The following MRNIP variants were observed in gnomAD, a reference collection of about 807,000 sequenced individuals.
MRNIP encodes the protein MRN complex interacting protein, also known as MRN complex-interacting protein.
Under a neutral mutation model 29.8 loss-of-function variants are expected in MRNIP, and 30 were observed. The observed-to-expected ratio is 1.01, with a 90% confidence interval of 0.75 to 1.36. MRNIP has a LOEUF of 1.36. MRNIP is among the 40% of genes most tolerant of loss of function. MRNIP has a pLI of 0.00. For missense variants in MRNIP, 459 were observed against 423.5 expected (o/e 1.08, Z -0.74); for synonymous variants, 201 against 164.1 (o/e 1.23, Z -1.72).
chr5:179,837,928 G>A, intron 6 of MRNIP, 43 bp from the exon 7 acceptor site: 2 of 1,571,720 alleles, frequency 1.3e-6, no homozygotes, highest in Non-Finnish European at 1.7e-6. Flanking sequence ...TAAGAACAAT[G>A]CCAGGGCCCA....
In MRNIP at chr5:179,837,311, A is replaced by C. The variant is rs541743046; in HGVS notation, c.*80T>G. The C allele has an allele frequency of 6.3e-7, 1 of 1,598,406 alleles. No homozygotes were observed. Among genetic ancestry groups the C allele is most frequent in the South Asian group, 1.1e-5 (1 of 89,080 alleles). The stretch of plus-strand genomic sequence containing the variant: ...TAAGTTTATTGTTAATGGTTCTTAC[A>C]GAGTATCTTTAAAAGTGCCTTAGGG... On this transcript the variant is annotated 3_prime_UTR_variant, in exon 7 of 7. Transcript: ENST00000292586.
At chr5:179,858,344 G>A (rs1184064147) in intron 1 of MRNIP, among the ~76,000 whole-genome samples, 1 of 152,192 alleles carries the variant, frequency 6.6e-6, no homozygotes, top group Non-Finnish European at 1.5e-5. Context: ...GACGGAGAGG[G>A]CGCCCAGGTG....
chr5:179,844,100 C>T, intron 4 of MRNIP, 52 bp downstream of exon 4: 3 of 1,438,098 alleles, frequency 2.1e-6, no homozygotes, highest in Non-Finnish European at 2.9e-6. Context: ...TCTGTGCATT[C>T]ATCCCTTCCC....
rs756605512 is a variant in MRNIP, at chr5:179,837,566, G to A, written c.857C>T (p.Pro286Leu). The A allele has an allele frequency of 3.1e-6, 5 of 1,614,200 alleles. No individual in the cohort carries two copies. The highest frequency in any genetic ancestry group is 1.1e-5 in the South Asian group (1 of 91,086). ...AGATGTGACGGGGTGTGTGGCCCGAGGAAGCTGGACAGCGGCAGTGGGCCT... is the reference window on the plus strand; with the variant it reads ...AGATGTGACGGGGTGTGTGGCCCGAAGAAGCTGGACAGCGGCAGTGGGCCT... ...LSRPTAAVQL[P>L]RATHPVTSGS... Residue 286 changes from proline to leucine, a missense_variant, in exon 7 of 7, where the codon CCT (proline) becomes CTT (leucine). By Grantham distance (98) the Pro-to-Leu change is moderately conservative. Coordinates refer to ENST00000292586, the MANE Select transcript of MRNIP (RefSeq NM_016175.4).
chr5:179,843,727 G>A (rs570497611), intron 4 of MRNIP, among the ~76,000 whole-genome samples: 13 of 151,918 alleles, frequency 8.6e-5, no homozygotes, highest in Middle Eastern at 3.4e-3. Flanking sequence ...GCGACAGAGT[G>A]AGACCTCGTT....
intron 1 of MRNIP, among the ~76,000 whole-genome samples, chr5:179,854,256 G>A (rs1301825513): frequency 6.6e-6 from 1 of 152,018 alleles, no homozygotes; most frequent in Non-Finnish European, 1.5e-5. Context: ...TCCTGACCTG[G>A]TGATCCACCC....
At chr5:179,844,370 C>CGGT in intron 3 of MRNIP, 143 bp from the exon 4 acceptor site, 1 of 643,942 alleles carries the variant, frequency 1.6e-6, no homozygotes, top group South Asian at 1.7e-5. Flanking sequence ...CTGACGAACA[C>CGGT]GGTGGTGCAT....
At position 179,837,846 on chromosome 5, in the gene MRNIP, T is replaced by C. The variant is rs766549467; in HGVS notation, c.577A>G (p.Ser193Gly). ...GLTWKVKQGS[S>G]PCLQENSADC... is the part of the protein sequence containing the mutation. ...GCAGAGTTCTCCTGGAGGCAGGGGCTGCTGCCTTGTTTCACCTTCCATGTC... is the reference window on the plus strand; with the variant it reads ...GCAGAGTTCTCCTGGAGGCAGGGGCCGCTGCCTTGTTTCACCTTCCATGTC... Residue 193 changes from serine to glycine, a missense_variant, in exon 7 of 7, where the codon AGC becomes GGC. Physicochemically the swap from Ser to Gly is moderately conservative, Grantham distance 56 (BLOSUM62 0). Transcript: ENST00000292586. 4 of 1,610,968 alleles carry C rather than the reference T, an allele frequency of 2.5e-6. No homozygotes were observed. The highest frequency in any genetic ancestry group is 3.4e-6 in the Non-Finnish European group (4 of 1,179,952).
At chr5:179,853,187 A>G in intron 2 of MRNIP, 191 bp downstream of exon 2, 1 of 1,511,510 alleles carries the variant, frequency 6.6e-7, no homozygotes, top group Non-Finnish European at 8.9e-7. Flanking sequence ...GAAGAATCAA[A>G]TGGCAGTACC....
intron 1 of MRNIP, among the ~76,000 whole-genome samples, chr5:179,854,742 T>C (rs1052854721): frequency 6.6e-6 from 1 of 152,128 alleles, no homozygotes; most frequent in African/African-American, 2.4e-5. Context: ...AAGACTCAAA[T>C]TGAAGCTGTA....
At position 179,849,452 on chromosome 5, in the gene MRNIP, C is replaced by T. The variant is rs140346279; in HGVS notation, c.127-1386G>A. Among the ~76,000 whole-genome samples, 708 of 119,934 alleles carry T rather than the reference C, an allele frequency of 5.9e-3. 9 individuals carry two copies. Among genetic ancestry groups the T allele is most frequent in the Non-Finnish European group, 9.7e-3 (558 of 57,336 alleles). 78.7% of individuals were successfully genotyped at this position (119,934 alleles called of 152,430 possible). ...TATGGCACAGGCAGATGGTACGAGA[C>T]GGAATTTGAGAGCATGGATCCTGCA... On this transcript the variant is annotated intron_variant, in intron 2 of 6. Coordinates refer to ENST00000292586, the MANE Select transcript of MRNIP (RefSeq NM_016175.4).
intron 4 of MRNIP, 50 bp downstream of exon 4, chr5:179,844,102 T>A (rs766660920): frequency 6.9e-7 from 1 of 1,459,036 alleles, no homozygotes; most frequent in Non-Finnish European, 9.6e-7. Flanking sequence ...TGTGCATTCA[T>A]CCCTTCCCTG....
At position 179,837,728 on chromosome 5, in the gene MRNIP, A is replaced by G. The variant is rs1323761668; in HGVS notation, c.695T>C (p.Phe232Ser). ...TGAACTTTTTCTAGGTGGCAGGACA[A>G]ATTGCGCCCATTTAGAGGATGTGGC... ...VTATSSKWAQ[F>S]VLPPRKSSHV... The change falls in exon 7 of 7, where the codon TTT becomes TCT. Residue 232 changes from phenylalanine (F) to serine (S), a missense_variant. Transcript: ENST00000292586. 1.2e-6 allele frequency: 2 copies of G among 1,614,090 alleles called. No individual in the cohort carries two copies. The highest frequency in any genetic ancestry group is 1.7e-6 in the Non-Finnish European group (2 of 1,180,042).
chr5:179,848,539 G>A (rs986171743), intron 2 of MRNIP, among the ~76,000 whole-genome samples: 2 of 152,142 alleles, frequency 1.3e-5, no homozygotes, highest in Non-Finnish European at 2.9e-5. Flanking sequence ...CCAACTGTGT[G>A]CCAGGCCTCA....
chr5:179,856,570 A>T (rs529190165), intron 1 of MRNIP, among the ~76,000 whole-genome samples: 1 of 152,252 alleles, frequency 6.6e-6, no homozygotes, highest in East Asian at 1.9e-4. Context: ...CCTGGACTGA[A>T]GCGATTCTCC....
At position 179,843,388 on chromosome 5, in the gene MRNIP, G is replaced by A. The variant is rs554599046; in HGVS notation, c.291+764C>T. On this transcript the variant is annotated intron_variant, in intron 4 of 6. Coordinates refer to ENST00000292586, the MANE Select transcript of MRNIP (RefSeq NM_016175.4). ...TGATATAAAATTAAGTCTGTAAATG[G>A]ACTGAATTGGAAGCACAGGCACAGG... Among the ~76,000 whole-genome samples the A allele has an allele frequency of 3.9e-5, 6 of 152,064 alleles. No homozygotes were observed. In the South Asian group the frequency reaches 1.0e-3, roughly 26 times the overall value.
In MRNIP at chr5:179,858,779, A is replaced by G; in HGVS notation, c.18T>C (p.Arg6=). The G allele has an allele frequency of 6.5e-7, 1 of 1,540,826 alleles. No homozygotes were observed. The highest frequency in any genetic ancestry group is 8.7e-7 in the Non-Finnish European group (1 of 1,143,796). ...AGCTGCAGCAGCGTAGCACCCGAGAACGCTGAAGCGACGCCATCCCTGCTT... is the reference window on the plus strand; with the variant it reads ...AGCTGCAGCAGCGTAGCACCCGAGAGCGCTGAAGCGACGCCATCCCTGCTT... MASLQ[R]SRVLRCCSCR... Residue 6 remains arginine (R), a synonymous_variant, in exon 1 of 7, where the codon CGT becomes CGC. Coordinates refer to ENST00000292586, the MANE Select transcript of MRNIP (RefSeq NM_016175.4).
chr5:179,845,005 T>G (rs1456815018), intron 3 of MRNIP, among the ~76,000 whole-genome samples: 1 of 152,230 alleles, frequency 6.6e-6, no homozygotes, highest in East Asian at 1.9e-4. Flanking sequence ...CAGTTATTGC[T>G]TTTGCCCCAT....
chr5:179,858,780 C>T lies in MRNIP; in HGVS notation c.17G>A (p.Arg6His). The T allele has an allele frequency of 6.5e-7, 1 of 1,541,240 alleles. No individual in the cohort carries two copies. Among genetic ancestry groups the T allele is most frequent in the South Asian group, 1.2e-5 (1 of 83,058 alleles). The change falls in exon 1 of 7, where the codon CGT (arginine) becomes CAT (histidine). Residue 6 changes from arginine to histidine, a missense_variant. Transcript: ENST00000292586. ...GCTGCAGCAGCGTAGCACCCGAGAA[C>T]GCTGAAGCGACGCCATCCCTGCTTG... Reference protein sequence around the residue: MASLQRSRVLRCCSCR... With the variant: MASLQHSRVLRCCSCR...
Sources: allele counts gnomAD v4.1 joint callset (sites outside exome capture counted in the v4.1 genomes callset), GRCh38; gene constraint gnomAD v4.1.1; transcripts MANE v1.5; gene names NCBI Gene and HGNC (gene_info 2026-07-23, HGNC 2026-07-21).